TENM2: variants seen among roughly 807,000 people sequenced by gnomAD.
TENM2 encodes teneurin transmembrane protein 2, also known as teneurin-2.
Under a neutral mutation model 245.2 loss-of-function variants are expected in TENM2, and 52 were observed. That is an observed-to-expected ratio of 0.21 (90% confidence interval 0.17 to 0.27). The LOEUF (loss-of-function observed/expected upper bound fraction) is 0.27. Among genes scored for constraint, TENM2 ranks in the 10% least tolerant of loss-of-function variants. The probability of loss-of-function intolerance (pLI) is 1.00; values close to 1 mark genes in which losing one functional copy is unlikely to be tolerated. For missense variants in TENM2, 3,046 were observed against 3,666.8 expected, an observed-to-expected ratio of 0.83 and a Z score of 4.37; for synonymous variants, 1,363 against 1,438.9, an observed-to-expected ratio of 0.95 and a Z score of 1.19.
rs756900207 is a variant in TENM2 at position 168,247,444 on chromosome 5, C to T, written c.6505C>T (p.Arg2169Trp). 36 of 1,613,600 alleles carry T rather than the reference C, an allele frequency of 2.2e-5. No individual in the cohort carries two copies. Among genetic ancestry groups the T allele is most frequent in the Non-Finnish European group, 2.7e-5 (32 of 1,179,646 alleles). The change falls in exon 27 of 29, where the codon CGG (arginine) becomes TGG (tryptophan). Residue 2169 changes from arginine (R) to tryptophan (W), a missense_variant. Arg to Trp is a moderately radical substitution (Grantham distance 101). This residue lies in a region of TENM2 where 2,704 missense variants were observed against 3,331.9 expected (regional missense o/e 0.81). Transcript: ENST00000518659. The surrounding 1 kb of genome is among the most constrained non-coding windows in gnomAD (Gnocchi z 7.8). ...CAAGGAGGTCCAGTATGAGATGTTC[C>T]GGTCCCTCATGTACTGGATGACGGT...
the TENM2 span, among the ~76,000 whole-genome samples, chr5:167,094,124 A>G: frequency 2.6e-5 from 4 of 152,232 alleles, no homozygotes; most frequent in Non-Finnish European, 5.9e-5. Context: ...TGGCATATTT[A>G]AAGTTTTAAA....
intron 2 of TENM2, among the ~76,000 whole-genome samples, chr5:167,394,955 A>G (rs560631115): frequency 2.8e-4 from 43 of 152,190 alleles, no homozygotes; most frequent in Admixed American, 1.2e-3. Context: ...CTTTCTCAAG[A>G]TTGCTTTGGC....
At chr5:167,478,545 A>G (rs1752661346) in intron 2 of TENM2, among the ~76,000 whole-genome samples, 1 of 152,164 alleles carries the variant, frequency 6.6e-6, no homozygotes, top group Admixed American at 6.5e-5. Context: ...ACCATCCACC[A>G]GCCGGATATG....
intron 2 of TENM2, among the ~76,000 whole-genome samples, chr5:167,581,397 G>A (rs1775083345): frequency 6.6e-6 from 1 of 152,120 alleles, no homozygotes; most frequent in South Asian, 2.1e-4. Flanking sequence ...TAAATGTTCA[G>A]GTGCAGTCGA....
At chr5:167,159,880 G>A in the TENM2 span, among the ~76,000 whole-genome samples, 1 of 152,060 alleles carries the variant, frequency 6.6e-6, no homozygotes, top group African/African-American at 2.4e-5. Flanking sequence ...GAGTAGAGAG[G>A]GCATTCTTTC....
chr5:167,974,044 A>G (rs1419219982), intron 4 of TENM2, among the ~76,000 whole-genome samples: 1 of 49,500 alleles, frequency 2.0e-5, no homozygotes, highest in Non-Finnish European at 3.3e-5. Flanking sequence ...AGGAGAAGGA[A>G]GGAAGGGAGG....
chr5:167,379,601 A>T (rs1481051255), intron 2 of TENM2, among the ~76,000 whole-genome samples: 1 of 152,092 alleles, frequency 6.6e-6, no homozygotes, highest in Non-Finnish European at 1.5e-5. Flanking sequence ...ACATGCTCAA[A>T]TTAACTTTGT....
chr5:167,875,388 C>T (rs1773334286), intron 2 of TENM2, among the ~76,000 whole-genome samples: 1 of 152,004 alleles, frequency 6.6e-6, no homozygotes, highest in Non-Finnish European at 1.5e-5. Flanking sequence ...GAATAAGGGG[C>T]CACGTGGAAA....
chr5:167,034,799 A>G, the TENM2 span, among the ~76,000 whole-genome samples: 1 of 152,094 alleles, frequency 6.6e-6, no homozygotes, highest in Non-Finnish European at 1.5e-5. Flanking sequence ...ACCCTACTTC[A>G]CTTGATTTGA....
exon 7 of TENM2, chr5:168,062,119 G>T: frequency 6.2e-7 from 1 of 1,613,360 alleles, no homozygotes; most frequent in Non-Finnish European, 8.5e-7. Context: ...TGGTCGGCGG[G>T]TAACACAAGA....
intron 2 of TENM2, among the ~76,000 whole-genome samples, chr5:167,428,617 C>T (rs941082782): frequency 6.6e-6 from 1 of 152,014 alleles, no homozygotes; most frequent in Non-Finnish European, 1.5e-5. Context: ...GATTAATTTG[C>T]CTGCAATGCT....
At chr5:167,781,275 C>T (rs1582994158) in intron 2 of TENM2, among the ~76,000 whole-genome samples, 1 of 152,332 alleles carries the variant, frequency 6.6e-6, no homozygotes, top group East Asian at 1.9e-4. Context: ...TGCAACACTG[C>T]ACTCCAGCCT....
chr5:167,159,675 G>T, the TENM2 span, among the ~76,000 whole-genome samples: 3 of 152,108 alleles, frequency 2.0e-5, no homozygotes, highest in Non-Finnish European at 4.4e-5. Flanking sequence ...AAACAGCACA[G>T]GTGTTTTCTT....
chr5:167,904,550 A>G (rs560698176), intron 3 of TENM2, among the ~76,000 whole-genome samples: 1 of 152,284 alleles, frequency 6.6e-6, no homozygotes. Context: ...ATACTGATCG[A>G]GCTTGCATGC....
At position 168,218,259 on chromosome 5, in the gene TENM2, C is replaced by T; in HGVS notation, c.4368C>T (p.Cys1456=). ...TCATTGCGGGACGCCCCATGCACTG[C>T]CAAGTTCCTGGCATTGACTACTCAC... is the stretch of plus-strand genomic sequence containing the variant. Residue 1456 remains cysteine, a synonymous_variant, in exon 23 of 29, where the codon TGC becomes TGT. Coordinates refer to ENST00000518659, the Ensembl canonical transcript of TENM2. The surrounding 1 kb of genome is among the most constrained non-coding windows in gnomAD (Gnocchi z 5.2). 6.2e-7 allele frequency: 1 copy of T among 1,613,796 alleles called. No homozygotes were observed. Among genetic ancestry groups the T allele is most frequent in the African/African-American group, 1.3e-5 (1 of 74,960 alleles).
chr5:167,252,504 T>A, the TENM2 span, among the ~76,000 whole-genome samples: 1 of 152,226 alleles, frequency 6.6e-6, no homozygotes. Flanking sequence ...ATCATGTGTC[T>A]TTGGAGGTTA....
chr5:167,416,416 A>T (rs887846304), intron 2 of TENM2, among the ~76,000 whole-genome samples: 1 of 152,162 alleles, frequency 6.6e-6, no homozygotes, highest in African/African-American at 2.4e-5. Context: ...GGTTGTTTTG[A>T]TTTAAATACA....
At chr5:167,111,496 G>A in the TENM2 span, among the ~76,000 whole-genome samples, 26 of 152,128 alleles carry the variant, frequency 1.7e-4, no homozygotes, top group Admixed American at 3.9e-4. Flanking sequence ...CACCTGTTGC[G>A]CAAAGAAAAT....
chr5:167,564,823 C>A (rs1293046197), intron 2 of TENM2, among the ~76,000 whole-genome samples: 4 of 152,196 alleles, frequency 2.6e-5, no homozygotes, highest in Non-Finnish European at 5.9e-5. Context: ...AGGGCAAGCC[C>A]CTATGCTCAA....
Sources: allele counts gnomAD v4.1 joint callset (sites outside exome capture counted in the v4.1 genomes callset), GRCh38; gene constraint gnomAD v4.1.1; regional missense constraint gnomAD v4.1.1; non-coding constraint Gnocchi (gnomAD v3.1); transcripts MANE v1.5; gene names NCBI Gene and HGNC (gene_info 2026-07-23, HGNC 2026-07-21).